PDE4D: variants seen among roughly 807,000 people sequenced by gnomAD.
PDE4D encodes the protein phosphodiesterase 4D.
PDE4D carries 24 observed loss-of-function variants against 87.4 expected under a neutral mutation model. The observed-to-expected ratio is 0.27, with a 90% CI of 0.20 to 0.39. The LOEUF is 0.39. PDE4D is among the 10% of genes least tolerant of loss of function. PDE4D has a pLI of 1.00. For synonymous variants in PDE4D, 384 were observed against 383.2 expected (o/e 1.00, Z -0.02); for missense variants, 714 against 1,041.0 (o/e 0.69, Z 4.32).
chr5:59,248,254 G>A (rs1198261311), intron 1 of PDE4D, among the ~76,000 whole-genome samples: 1 of 150,244 alleles, frequency 6.7e-6, no homozygotes, highest in East Asian at 2.0e-4. Context: ...CATATGTCTA[G>A]GAATTACCTG....
At chr5:60,444,722 G>A (rs1331864640) in intron 1 of PDE4D, among the ~76,000 whole-genome samples, 2 of 151,898 alleles carry the variant, frequency 1.3e-5, no homozygotes, top group South Asian at 4.2e-4. Context: ...GTCCAGGAGG[G>A]GAAGGGTGGG....
intron 1 of PDE4D, among the ~76,000 whole-genome samples, chr5:59,355,293 C>T (rs1323796506): frequency 2.0e-5 from 3 of 152,174 alleles, no homozygotes; most frequent in Non-Finnish European, 2.9e-5. Context: ...TTGCAAACTA[C>T]ACAGAAGAGC....
chr5:59,565,635 C>T (rs1055875030), intron 1 of PDE4D, among the ~76,000 whole-genome samples: 1 of 152,194 alleles, frequency 6.6e-6, no homozygotes, highest in African/African-American at 2.4e-5. Context: ...AAGGCTATGG[C>T]GTAAGCCTGG....
In PDE4D at chr5:59,498,610, A is replaced by C. The variant is rs144416749; in HGVS notation, c.456-282642T>G. Among the ~76,000 whole-genome samples the C allele has an allele frequency of 4.4e-3, 664 of 152,168 alleles. 3 individuals are homozygous for C. Among genetic ancestry groups the C allele is most frequent in the African/African-American group, 0.015 (612 of 41,544 alleles). On this transcript the variant is annotated intron_variant, in intron 1 of 14. Transcript: ENST00000340635. Reference sequence around the variant, plus strand: ...GATCTATCATGCAAATAGGAAACAAAAAAAGAACAAGGATCACTATTCTAA... The same window carrying C: ...GATCTATCATGCAAATAGGAAACAACAAAAGAACAAGGATCACTATTCTAA...
chr5:58,994,463 T>G (rs1439201941), intron 6 of PDE4D, among the ~76,000 whole-genome samples: 1 of 148,918 alleles, frequency 6.7e-6, no homozygotes, highest in African/African-American at 2.5e-5. Flanking sequence ...AACAATGTAT[T>G]TTTTCTACAC....
At chr5:59,486,771 A>T (rs1267371058) in intron 1 of PDE4D, among the ~76,000 whole-genome samples, 4 of 152,180 alleles carry the variant, frequency 2.6e-5, no homozygotes, top group African/African-American at 9.6e-5. Context: ...CATAGGAGAC[A>T]TGGCCTATGG....
At chr5:59,383,643 G>T (rs1786362686) in intron 1 of PDE4D, among the ~76,000 whole-genome samples, 1 of 151,940 alleles carries the variant, frequency 6.6e-6, no homozygotes, top group Non-Finnish European at 1.5e-5. Flanking sequence ...CCAGAACCTG[G>T]AACAATGCCT....
At chr5:59,143,768 T>A (rs1164779135) in intron 5 of PDE4D, among the ~76,000 whole-genome samples, 1 of 152,238 alleles carries the variant, frequency 6.6e-6, no homozygotes, top group Non-Finnish European at 1.5e-5. Flanking sequence ...TATTTATAAT[T>A]ATCTCATTCA....
At chr5:59,736,058 T>G (rs1758024831) in intron 1 of PDE4D, among the ~76,000 whole-genome samples, 1 of 151,616 alleles carries the variant, frequency 6.6e-6, no homozygotes, top group Non-Finnish European at 1.5e-5. Flanking sequence ...CAAATTTATG[T>G]GACAAAAAGA....
Position 59,200,214 on chromosome 5 carries a change from C to T in PDE4D, c.648-6678G>A, listed in dbSNP as rs556813344. On this transcript the variant is annotated intron_variant, in intron 2 of 14. Transcript: ENST00000340635. ...ACATACACGTGTATGTATAGATACACGTGTATGTATACATACATATGTGTA... is the reference window on the plus strand; with the variant it reads ...ACATACACGTGTATGTATAGATACATGTGTATGTATACATACATATGTGTA... Among the ~76,000 whole-genome samples, 9 of 140,670 alleles carry T rather than the reference C, an allele frequency of 6.4e-5. 1 individual carries two copies. The South Asian group carries it at 8.7e-4, about 14-fold the overall frequency. 92.3% of individuals were successfully genotyped at this position (140,670 alleles called of 152,430 possible). A position where few individuals can be genotyped will look rare whatever the true frequency, so the allele number is the denominator to read the frequency against.
chr5:59,586,547 A>G, intron 1 of PDE4D: 1 of 1,406,638 alleles, frequency 7.1e-7, no homozygotes, highest in South Asian at 1.7e-5. Flanking sequence ...AAAAACAAAT[A>G]GCAATTACAA....
intron 1 of PDE4D, among the ~76,000 whole-genome samples, chr5:60,210,326 C>CA (rs1315643955): frequency 6.6e-6 from 1 of 150,814 alleles, no homozygotes; most frequent in Non-Finnish European, 1.5e-5. Flanking sequence ...TGATTTACCT[C>CA]AAAAAAGAGA....
intron 1 of PDE4D, among the ~76,000 whole-genome samples, chr5:60,212,624 G>A (rs1262229227): frequency 6.6e-6 from 1 of 152,172 alleles, no homozygotes; most frequent in Non-Finnish European, 1.5e-5. Flanking sequence ...AATACAGAGG[G>A]CAGACAAGCA....
intron 1 of PDE4D, among the ~76,000 whole-genome samples, chr5:59,515,803 G>C (rs975085993): frequency 6.6e-6 from 1 of 152,102 alleles, no homozygotes; most frequent in African/African-American, 2.4e-5. Flanking sequence ...AGAGGGATAC[G>C]CCACAATTAT....
At chr5:59,714,804 T>G (rs1754753899) in intron 1 of PDE4D, among the ~76,000 whole-genome samples, 1 of 152,240 alleles carries the variant, frequency 6.6e-6, no homozygotes, top group Admixed American at 6.5e-5. Flanking sequence ...CTTGCAGATT[T>G]AGAAGCGGCA....
intron 1 of PDE4D, among the ~76,000 whole-genome samples, chr5:60,202,343 A>T (rs1022525668): frequency 3.3e-5 from 5 of 151,980 alleles, no homozygotes; most frequent in African/African-American, 7.3e-5. Flanking sequence ...TTTTAAAAAA[A>T]TTTTGTAAAG....
chr5:59,467,916 T>C (rs1322689516), intron 1 of PDE4D, among the ~76,000 whole-genome samples: 1 of 152,240 alleles, frequency 6.6e-6, no homozygotes, highest in Non-Finnish European at 1.5e-5. Flanking sequence ...CATTTAAGTA[T>C]ATAGCTTCAT....
At position 59,830,493 on chromosome 5, in the gene PDE4D, G is replaced by A. The variant is rs552330019; in HGVS notation, c.455+62675C>T. On this transcript the variant is annotated intron_variant, in intron 1 of 14. Coordinates refer to ENST00000340635, the MANE Select transcript of PDE4D (RefSeq NM_001104631.2). ...TTCAGTCATCATCCAAGAAAGCAAC[G>A]TCTGCCATTGTAGTCGGAGACATTA... Among the ~76,000 whole-genome samples the A allele has an allele frequency of 7.9e-5, 12 of 152,118 alleles. No individual in the cohort carries two copies. The South Asian group carries it at 1.0e-3, about 13-fold the overall frequency.
intron 2 of PDE4D, among the ~76,000 whole-genome samples, chr5:60,093,924 G>A (rs1195372605): frequency 6.6e-6 from 1 of 152,126 alleles, no homozygotes; most frequent in Non-Finnish European, 1.5e-5. Context: ...TATGGATGGT[G>A]AAATTATGAG....
Sources: allele counts gnomAD v4.1 joint callset (sites outside exome capture counted in the v4.1 genomes callset), GRCh38; gene constraint gnomAD v4.1.1; transcripts MANE v1.5; gene names NCBI Gene and HGNC (gene_info 2026-07-23, HGNC 2026-07-21).